GNAQ: variants seen among roughly 807,000 people sequenced by gnomAD.
GNAQ encodes the protein G protein subunit alpha q.
Under a neutral mutation model 43.9 loss-of-function variants are expected in GNAQ, and 8 were observed. That is an observed-to-expected ratio of 0.18 (90% CI 0.11 to 0.33). The LOEUF (loss-of-function observed/expected upper bound fraction) is 0.33, where lower values mean the gene tolerates loss of function less well. Among genes scored for constraint, GNAQ ranks in the 10% least tolerant of loss-of-function variants. The probability of loss-of-function intolerance (pLI) is 1.00; values close to 1 mark genes in which losing one functional copy is unlikely to be tolerated. For missense variants in GNAQ, 158 were observed against 450.8 expected (o/e 0.35, Z 5.88); for synonymous variants, 155 against 170.7 (o/e 0.91, Z 0.71).
chr9:77,860,638 G>A (rs542050811), intron 2 of GNAQ, among the ~76,000 whole-genome samples: 90 of 152,310 alleles, frequency 5.9e-4, no homozygotes, highest in African/African-American at 1.9e-3. Context: ...GACAGGAGGC[G>A]AAGCTCAGGC....
At chr9:77,768,337 C>G (rs1587907811) in intron 5 of GNAQ, among the ~76,000 whole-genome samples, 2 of 152,294 alleles carry the variant, frequency 1.3e-5, no homozygotes, top group South Asian at 4.1e-4. Flanking sequence ...GATGACTGAA[C>G]TAGATGATTT....
At chr9:77,725,306 G>A (rs1825380904) in intron 6 of GNAQ, among the ~76,000 whole-genome samples, 1 of 152,086 alleles carries the variant, frequency 6.6e-6, no homozygotes, top group South Asian at 2.1e-4. Context: ...CTTTCTTGAA[G>A]AGAAATACAG....
chr9:77,810,934 A>C (rs886577241), intron 3 of GNAQ, among the ~76,000 whole-genome samples: 1 of 152,182 alleles, frequency 6.6e-6, no homozygotes, highest in Non-Finnish European at 1.5e-5. Context: ...TCGGGTCTTA[A>C]AGGATGAATA....
At chr9:77,873,258 TA>T (rs1159590511) in intron 2 of GNAQ, among the ~76,000 whole-genome samples, 2 of 152,218 alleles carry the variant, frequency 1.3e-5, no homozygotes, top group African/African-American at 4.8e-5. Flanking sequence ...CAATACCTAC[TA>T]GGTGGTTGGG....
At chr9:78,011,644 C>A (rs1823773905) in intron 1 of GNAQ, among the ~76,000 whole-genome samples, 1 of 152,172 alleles carries the variant, frequency 6.6e-6, no homozygotes, top group South Asian at 2.1e-4. Context: ...AAAAATGAAT[C>A]TGAAGCATCA....
In GNAQ at chr9:77,717,837, A is replaced by G. The variant is rs764847285; in HGVS notation, c.*3486T>C. ...TTCTTAAAATTTTTTTTTCCAGTCT[A>G]TTCATGACATTCAACAGAGCTCTTT... is the stretch of plus-strand genomic sequence containing the variant. On this transcript the variant is annotated 3_prime_UTR_variant, in exon 7 of 7. Coordinates refer to ENST00000286548, the MANE Select transcript of GNAQ (RefSeq NM_002072.5). 3.9e-5 allele frequency: 9 copies of G among 232,160 alleles called. No individual in the cohort carries two copies. Among genetic ancestry groups the G allele is most frequent in the Non-Finnish European group, 6.0e-5 (7 of 117,596 alleles). 14.4% of individuals were successfully genotyped at this position (232,160 alleles called of 1,614,324 possible).
intron 2 of GNAQ, among the ~76,000 whole-genome samples, chr9:77,869,484 T>C (rs1401379627): frequency 2.6e-5 from 4 of 152,220 alleles, no homozygotes; most frequent in Non-Finnish European, 4.4e-5. Flanking sequence ...TTTTGAATTA[T>C]TCCTTCTTGG....
At chr9:77,874,520 G>A (rs1158212297) in intron 2 of GNAQ, among the ~76,000 whole-genome samples, 1 of 152,154 alleles carries the variant, frequency 6.6e-6, no homozygotes, top group Non-Finnish European at 1.5e-5. Context: ...TCTAGAGAGA[G>A]AATTTGGGGC....
chr9:77,779,272 G>A (rs1401054588), intron 5 of GNAQ, among the ~76,000 whole-genome samples: 2 of 151,712 alleles, frequency 1.3e-5, no homozygotes, highest in Admixed American at 6.6e-5. Flanking sequence ...AAGATAACTG[G>A]GAAATCCCCA....
chr9:77,896,790 C>T (rs1032355804), intron 2 of GNAQ, among the ~76,000 whole-genome samples: 1 of 152,202 alleles, frequency 6.6e-6, no homozygotes, highest in Non-Finnish European at 1.5e-5. Flanking sequence ...TTTTACAAAC[C>T]ATTTTCATTC....
chr9:77,761,959 C>T (rs1368735938), intron 5 of GNAQ, among the ~76,000 whole-genome samples: 1 of 127,784 alleles, frequency 7.8e-6, no homozygotes, highest in Non-Finnish European at 1.7e-5. Context: ...GGGGGTCAGC[C>T]CCCCGCCCGG....
At chr9:77,814,005 T>C (rs938950477) in intron 3 of GNAQ, among the ~76,000 whole-genome samples, 2 of 150,874 alleles carry the variant, frequency 1.3e-5, no homozygotes, top group Non-Finnish European at 3.0e-5. Flanking sequence ...AAACTGAGGG[T>C]GGAGGGTAAA....
chr9:77,810,923 G>T (rs1416649632), intron 3 of GNAQ, among the ~76,000 whole-genome samples: 1 of 152,174 alleles, frequency 6.6e-6, no homozygotes, highest in Non-Finnish European at 1.5e-5. Flanking sequence ...TGACTCTTGA[G>T]TCGGGTCTTA....
chr9:77,808,865 T>TA (rs531696724), intron 3 of GNAQ, among the ~76,000 whole-genome samples: 125 of 150,434 alleles, frequency 8.3e-4, no homozygotes, highest in African/African-American at 2.2e-3. Context: ...GGCTTAAACT[T>TA]AAAAAAAACA....
intron 5 of GNAQ, among the ~76,000 whole-genome samples, chr9:77,745,658 A>AAGAT (rs1165939739): frequency 6.6e-6 from 1 of 151,972 alleles, no homozygotes; most frequent in Non-Finnish European, 1.5e-5. Context: ...GATAATTTGA[A>AAGAT]AGATAATTCT....
At chr9:77,832,033 CTCTCAGGA>C (rs1323204884) in intron 2 of GNAQ, among the ~76,000 whole-genome samples, 1 of 152,012 alleles carries the variant, frequency 6.6e-6, no homozygotes, top group Non-Finnish European at 1.5e-5. Context: ...CTCTGGGTAA[CTCTCAGGA>C]TATAGCACAT....
intron 1 of GNAQ, among the ~76,000 whole-genome samples, chr9:77,931,060 C>T (rs955475957): frequency 1.3e-5 from 2 of 151,480 alleles, no homozygotes; most frequent in African/African-American, 4.9e-5. Flanking sequence ...ACCAACCCCC[C>T]GACCCGACCC....
intron 1 of GNAQ, among the ~76,000 whole-genome samples, chr9:77,982,073 G>GACTA (rs1823375166): frequency 1.3e-5 from 2 of 152,186 alleles, no homozygotes; most frequent in South Asian, 4.1e-4. Flanking sequence ...CCAGGCCAAT[G>GACTA]ACTAGCCAAC....
At position 78,031,010 on chromosome 9, in the gene GNAQ, G is replaced by T. The variant is rs1047213469; in HGVS notation, c.136+90C>A. 9 of 975,318 alleles carry T rather than the reference G, an allele frequency of 9.2e-6. No individual in the cohort carries two copies. In the South Asian group the frequency reaches 2.8e-4, roughly 30 times the overall value. The allele number at this position is 975,318 out of a possible 1,614,324, so 60.4% of individuals were successfully genotyped here. ...GTAGGGGCGAACCGCGGGCGCCGGG[G>T]GGCGGGGGCGCCGAAGGCAGCTGCC... On this transcript the variant is annotated intron_variant, in intron 1 of 6. Coordinates refer to ENST00000286548, the MANE Select transcript of GNAQ (RefSeq NM_002072.5).
Sources: allele counts gnomAD v4.1 joint callset (sites outside exome capture counted in the v4.1 genomes callset), GRCh38; gene constraint gnomAD v4.1.1; transcripts MANE v1.5; gene names NCBI Gene and HGNC (gene_info 2026-07-23, HGNC 2026-07-21).